Variants in NMUR1 observed in about 807,000 individuals in gnomAD.
NMUR1 encodes the protein neuromedin U receptor 1, also known as neuromedin-U receptor 1.
A neutral mutation model predicts 18.8 loss-of-function variants in NMUR1; 16 were observed. That is an observed-to-expected ratio of 0.85 (90% CI 0.58 to 1.29). The LOEUF (loss-of-function observed/expected upper bound fraction) is 1.29. Among genes scored for constraint, NMUR1 ranks in the 50% most tolerant of loss-of-function variants. The pLI is 0.00. For synonymous variants in NMUR1, 258 were observed against 258.2 expected, an observed-to-expected ratio of 1.00 and a Z score of 0.01; for missense variants, 529 against 580.3, an observed-to-expected ratio of 0.91 and a Z score of 0.91.
Position 231,528,211 on chromosome 2 carries a change from C to A in NMUR1, c.810G>T (p.Lys270Asn). ...RERLLLMQEAKGRGSAAARSR... is the reference protein window; with the variant it reads ...RERLLLMQEANGRGSAAARSR... ...ACCTGGCTGCTGCAGAGCCCCTGCC[C>A]TTGGCCTCCTGCATGAGCAGCAGCC... Residue 270 changes from lysine to asparagine, a missense_variant, in exon 2 of 3, where the codon AAG becomes AAT. By Grantham distance (94) the Lys-to-Asn change is moderately conservative (BLOSUM62 0). Transcript: ENST00000305141. 1 of 1,611,326 alleles carries A rather than the reference C, an allele frequency of 6.2e-7. No homozygotes were observed. Among genetic ancestry groups the A allele is most frequent in the Non-Finnish European group, 8.5e-7 (1 of 1,178,936 alleles).
At chr2:231,522,681 G>A (rs1341727730), downstream of NMUR1, among the ~76,000 whole-genome samples, 1 of 147,268 alleles carries the variant, frequency 6.8e-6, no homozygotes, top group African/African-American at 2.5e-5. Flanking sequence ...ATTCAAGTCA[G>A]GGCAGGCTCA....
chr2:231,526,444 C>T (rs1322001747), intron 2 of NMUR1, among the ~76,000 whole-genome samples: 1 of 152,188 alleles, frequency 6.6e-6, no homozygotes, highest in Admixed American at 6.5e-5. Context: ...GCCCACCTTC[C>T]AGGGGTGAGC....
downstream of NMUR1, among the ~76,000 whole-genome samples, chr2:231,520,067 T>C (rs1298832938): frequency 6.6e-6 from 1 of 152,202 alleles, no homozygotes; most frequent in Non-Finnish European, 1.5e-5. Flanking sequence ...TTACAGACTA[T>C]AGTTTGCAGT....
chr2:231,522,317 G>A (rs1024806734), downstream of NMUR1, among the ~76,000 whole-genome samples: 12 of 151,830 alleles, frequency 7.9e-5, no homozygotes, highest in Admixed American at 6.6e-5. Flanking sequence ...CCCACTGCCC[G>A]TCTGCTTGCT....
In NMUR1 at chr2:231,528,687, C is replaced by T; in HGVS notation, c.334G>A (p.Val112Met). 1 of 1,614,242 alleles carries T rather than the reference C, an allele frequency of 6.2e-7. No individual in the cohort carries two copies. The highest frequency in any genetic ancestry group is 8.5e-7 in the Non-Finnish European group (1 of 1,180,036). Residue 112 changes from valine to methionine, a missense_variant, in exon 2 of 3, where the codon GTG (valine) becomes ATG (methionine). Coordinates refer to ENST00000305141, the MANE Select transcript of NMUR1 (RefSeq NM_006056.5). ...LAVSDLLVLL[V>M]GLPLELYEMW... ...TCATAGAGCTCCAGGGGCAGGCCCACCAGCAGCACCAGCAGGTCCGACACG... is the reference window on the plus strand; with the variant it reads ...TCATAGAGCTCCAGGGGCAGGCCCATCAGCAGCACCAGCAGGTCCGACACG...
At chr2:231,521,684 G>A (rs982709751), downstream of NMUR1, among the ~76,000 whole-genome samples, 4 of 152,156 alleles carry the variant, frequency 2.6e-5, no homozygotes, top group Non-Finnish European at 5.9e-5. Context: ...GACCTCAGTC[G>A]GAAGGGGAGG....
Position 231,528,468 on chromosome 2 carries a change from C to T in NMUR1, c.553G>A (p.Val185Ile), listed in dbSNP as rs745366125. 1.9e-5 allele frequency: 30 copies of T among 1,613,474 alleles called. No individual in the cohort carries two copies. Among genetic ancestry groups the T allele is most frequent in the Middle Eastern group, 3.3e-4 (2 of 6,084 alleles). The change falls in exon 2 of 3, where the codon GTC becomes ATC. Residue 185 changes from valine to isoleucine, a missense_variant. Coordinates refer to ENST00000305141, the MANE Select transcript of NMUR1 (RefSeq NM_006056.5). Reference protein sequence around the residue: ...RAHVRRVLGAVWGLAMLCSLP... With the variant: ...RAHVRRVLGAIWGLAMLCSLP... The stretch of plus-strand genomic sequence containing the variant: ...GAGCAGAGCATGGCAAGACCCCAGA[C>T]GGCCCCAAGCACTCGGCGCACATGG...
At chr2:231,530,312 C>CG (rs1310550255) in intron 1 of NMUR1, 47 bp downstream of exon 1, 2 of 1,498,132 alleles carry the variant, frequency 1.3e-6, no homozygotes, top group Non-Finnish European at 1.8e-6. Flanking sequence ...CACCGAGCCC[C>CG]GGCCCAGCTG....
Position 231,530,438 on chromosome 2 carries a change from T to A in NMUR1, c.-77A>T. On this transcript the variant is annotated 5_prime_UTR_variant, in exon 1 of 3. Transcript: ENST00000305141. ...AGACGCGGCGCGGGAGCCAGTGGAC[T>A]GACTGACAGCGGCCCCAGCCCGCGC... 7.1e-7 allele frequency: 1 copy of A among 1,400,390 alleles called. No homozygotes were observed. The highest frequency in any genetic ancestry group is 9.2e-7 in the Non-Finnish European group (1 of 1,081,582). The allele number at this position is 1,400,390 out of a possible 1,614,324, so 86.7% of individuals were successfully genotyped here.
At position 231,525,403 on chromosome 2, in the gene NMUR1, G is replaced by T. The variant is rs540859070; in HGVS notation, c.921C>A (p.Gly307=). 1.9e-6 allele frequency: 3 copies of T among 1,612,202 alleles called. No individual in the cohort carries two copies. The African/African-American group carries it at 4.0e-5, about 21-fold the overall frequency. Residue 307 remains glycine, a synonymous_variant, in exon 3 of 3, where the codon GGC becomes GGA. Coordinates refer to ENST00000305141, the MANE Select transcript of NMUR1 (RefSeq NM_006056.5). ...KMLFVLVVVF[G]ICWAPFHADR... is the part of the protein sequence containing the mutation. ...CGGCGTGGAACGGGGCCCAGCAGAT[G>T]CCAAACACCACGACCAGGACAACTG...
Position 231,528,682 on chromosome 2 carries a change from G to C in NMUR1, c.339C>G (p.Gly113=), listed in dbSNP as rs757137719. Residue 113 remains glycine (G), a synonymous_variant, in exon 2 of 3, where the codon GGC becomes GGG. Coordinates refer to ENST00000305141, the MANE Select transcript of NMUR1 (RefSeq NM_006056.5). ...AVSDLLVLLV[G]LPLELYEMWH... Reference sequence around the variant, plus strand: ...ACATCTCATAGAGCTCCAGGGGCAGGCCCACCAGCAGCACCAGCAGGTCCG... The same window carrying C: ...ACATCTCATAGAGCTCCAGGGGCAGCCCCACCAGCAGCACCAGCAGGTCCG... 1.4e-5 allele frequency: 23 copies of C among 1,614,132 alleles called. No individual in the cohort carries two copies. Among genetic ancestry groups the C allele is most frequent in the Non-Finnish European group, 1.9e-5 (23 of 1,180,044 alleles).
At position 231,530,291 on chromosome 2, in the gene NMUR1, G is replaced by T; in HGVS notation, c.3+68C>A. ...CCTCGGACCCTTCCCGCCCTAGGAC[G>T]ACCCTGCCCGCACCGAGCCCCGGCC... On this transcript the variant is annotated intron_variant, in intron 1 of 2. Coordinates refer to ENST00000305141, the MANE Select transcript of NMUR1 (RefSeq NM_006056.5). 2.0e-6 allele frequency: 3 copies of T among 1,493,440 alleles called. No homozygotes were observed. In the South Asian group the frequency reaches 3.7e-5, roughly 18 times the overall value. 92.5% of individuals were successfully genotyped at this position (1,493,440 alleles called of 1,614,324 possible). A position where few individuals can be genotyped will look rare whatever the true frequency, so the allele number is the denominator to read the frequency against.
chr2:231,530,160 G>A (rs2047400557), intron 1 of NMUR1, among the ~76,000 whole-genome samples, 199 bp downstream of exon 1: 1 of 152,196 alleles, frequency 6.6e-6, no homozygotes. Flanking sequence ...CCTCGAGGAA[G>A]GGTCGCAAGC....
In NMUR1 at chr2:231,530,230, C is replaced by T. The variant is rs2047401112; in HGVS notation, c.3+129G>A. 31 of 1,153,170 alleles carry T rather than the reference C, an allele frequency of 2.7e-5. No homozygotes were observed. The South Asian group carries it at 4.1e-4, about 15-fold the overall frequency. 71.4% of individuals were successfully genotyped at this position (1,153,170 alleles called of 1,614,324 possible). Reference sequence around the variant, plus strand: ...AAATGACCCGAGAAGTTGCGAGGCTCCCCGGTGGCGGGGACGGGGGGCACC... The same window carrying T: ...AAATGACCCGAGAAGTTGCGAGGCTTCCCGGTGGCGGGGACGGGGGGCACC... On this transcript the variant is annotated intron_variant, in intron 1 of 2. Transcript: ENST00000305141.
At chr2:231,525,924 A>C (rs1371134720) in intron 2 of NMUR1, among the ~76,000 whole-genome samples, 1 of 151,752 alleles carries the variant, frequency 6.6e-6, no homozygotes, top group Non-Finnish European at 1.5e-5. Context: ...ACACACACGC[A>C]TGCACACACA....
rs1354923963 is a variant in NMUR1 at position 231,523,539 on chromosome 2, T to A, written c.*1504A>T. 8.6e-6 allele frequency: 2 copies of A among 231,886 alleles called. No individual in the cohort carries two copies. The highest frequency in any genetic ancestry group is 1.1e-4 in the Admixed American group (2 of 17,530). The allele number at this position is 231,886 out of a possible 1,614,324, so 14.4% of individuals were successfully genotyped here. ...ATTTTTATAATTGAATTTTTAAAAC[T>A]AAACATCTGCAACCCTGTACCACGT... On this transcript the variant is annotated 3_prime_UTR_variant, in exon 3 of 3. Transcript: ENST00000305141.
Position 231,528,721 on chromosome 2 carries a change from G to A in NMUR1, c.300C>T (p.Phe100=), listed in dbSNP as rs139992213. 6.0e-5 allele frequency: 97 copies of A among 1,614,262 alleles called. No individual in the cohort carries two copies. The African/African-American group carries it at 1.2e-3, about 20-fold the overall frequency. The stretch of plus-strand genomic sequence containing the variant: ...CCAGCAGGTCCGACACGGCCAGGCT[G>A]AAGAGGTAGTAGTTGGTAGGCGTGC... The part of the protein sequence containing the change: ...AMRTPTNYYL[F]SLAVSDLLVL... The change falls in exon 2 of 3, where the codon TTC becomes TTT. Residue 100 remains phenylalanine (F), a synonymous_variant. Coordinates refer to ENST00000305141, the MANE Select transcript of NMUR1 (RefSeq NM_006056.5).
intron 1 of NMUR1, among the ~76,000 whole-genome samples, chr2:231,530,069 C>T (rs539872496): frequency 7.9e-5 from 12 of 152,372 alleles, no homozygotes; most frequent in Non-Finnish European, 1.5e-4. Flanking sequence ...CCCTCACCCC[C>T]GCTGCACAGC....
rs775345754 is a variant in NMUR1 at position 231,528,392 on chromosome 2, C to A, written c.629G>T (p.Arg210Leu). The stretch of plus-strand genomic sequence containing the variant: ...AACAGCTGAGTCTGGCACTGGGCCC[C>A]GGCAGGGCACGTGCAGCTGCCGGAT... ...HGIRQLHVPCRGPVPDSAVCM... is the reference protein window; with the variant it reads ...HGIRQLHVPCLGPVPDSAVCM... The change falls in exon 2 of 3, where the codon CGG (arginine) becomes CTG (leucine). Residue 210 changes from arginine (R) to leucine (L), a missense_variant. By Grantham distance (102) the Arg-to-Leu change is moderately radical (BLOSUM62 -2). Transcript: ENST00000305141. The A allele has an allele frequency of 1.2e-6, 2 of 1,613,720 alleles. No individual in the cohort carries two copies. The highest frequency in any genetic ancestry group is 1.7e-6 in the Non-Finnish European group (2 of 1,179,968).
Sources: gnomAD v4.1 joint callset for allele counts (sites outside exome capture counted in the v4.1 genomes callset) on GRCh38, gnomAD v4.1.1 for gene constraint, MANE v1.5 for transcripts, NCBI Gene and HGNC (gene_info 2026-07-23, HGNC 2026-07-21) for gene names.